Variants in PARVB observed in about 807,000 individuals in gnomAD.
PARVB encodes parvin beta, also known as beta-parvin.
In PARVB, 46 loss-of-function variants were observed where a neutral mutation model predicts 47.0. That is an observed-to-expected ratio of 0.98 (90% CI 0.77 to 1.25). The LOEUF is 1.25. Ranked by LOEUF, PARVB falls within the 50% of genes most tolerant of loss-of-function variation. The probability of loss-of-function intolerance (pLI) is 0.00; values close to 1 mark genes in which losing one functional copy is unlikely to be tolerated. For synonymous variants in PARVB, 196 were observed against 196.3 expected, an observed-to-expected ratio of 1.00 and a Z score of 0.01; for missense variants, 473 against 471.6, an observed-to-expected ratio of 1.00 and a Z score of -0.03.
chr22:44,014,457 A>G (rs1286878213), intron 2 of PARVB, among the ~76,000 whole-genome samples: 1 of 152,202 alleles, frequency 6.6e-6, no homozygotes, highest in Non-Finnish European at 1.5e-5. Context: ...TGTACAATGT[A>G]TGCATAGCCC....
At chr22:44,027,796 G>A (rs2050755428) in intron 1 of PARVB, among the ~76,000 whole-genome samples, 1 of 151,836 alleles carries the variant, frequency 6.6e-6, no homozygotes, top group Non-Finnish European at 1.5e-5. Context: ...TACTTGGGAA[G>A]CTGAGGCAGG....
At chr22:44,106,678 T>C (rs1412910581) in intron 3 of PARVB, 1 of 152,126 alleles carries the variant, frequency 6.6e-6, no homozygotes, top group Non-Finnish European at 1.5e-5. Flanking sequence ...CTGTTCTCTG[T>C]CATCTGCACT....
intron 2 of PARVB, among the ~76,000 whole-genome samples, chr22:44,006,354 C>G (rs138530987): frequency 6.6e-6 from 1 of 152,198 alleles, no homozygotes; most frequent in African/African-American, 2.4e-5. Flanking sequence ...GGCCAGATGC[C>G]GTGTCTCATG....
At chr22:44,073,200 C>G (rs977541477) in intron 1 of PARVB, among the ~76,000 whole-genome samples, 1 of 152,124 alleles carries the variant, frequency 6.6e-6, no homozygotes, top group African/African-American at 2.4e-5. Flanking sequence ...AATTTAAAGT[C>G]AGAAGTGGGC....
Position 44,043,496 on chromosome 22 carries a change from G to A in PARVB, c.112+19045G>A, listed in dbSNP as rs1234794064. ...CGGGATCACGCCATTCTCCTCCTTG[G>A]CCACCCGAGTAGCTGGGACTACAGG... On this transcript the variant is annotated intron_variant, in intron 1 of 12. Transcript: ENST00000338758. Among the ~76,000 whole-genome samples the A allele has an allele frequency of 5.9e-5, 9 of 152,052 alleles. 1 individual carries two copies. The highest frequency in any genetic ancestry group is 6.8e-3 in the Middle Eastern group (2 of 294).
exon 1 of PARVB, chr22:43,999,262 A>T (rs1482557086): frequency 1.7e-5 from 20 of 1,176,982 alleles, no homozygotes; most frequent in Non-Finnish European, 2.4e-5. Context: ...TCCTTAAACT[A>T]AGAACTCATT....
At chr22:44,157,472 CT>C (rs1333233227) in intron 10 of PARVB, among the ~76,000 whole-genome samples, 1 of 152,220 alleles carries the variant, frequency 6.6e-6, no homozygotes. Flanking sequence ...GCCCCCTCCC[CT>C]TTTGCTTTTT....
upstream of PARVB, chr22:44,024,244 CG>C: frequency 1.4e-5 from 7 of 511,766 alleles, no homozygotes; most frequent in Non-Finnish European, 1.8e-5. Flanking sequence ...GGGACCGGGG[CG>C]GGGGCCGGCG....
At chr22:44,094,539 G>T (rs2052252582) in intron 2 of PARVB, among the ~76,000 whole-genome samples, 1 of 151,940 alleles carries the variant, frequency 6.6e-6, no homozygotes, top group Admixed American at 6.6e-5. Flanking sequence ...ACCCAAGCTG[G>T]GGTGCGGTGA....
chr22:44,153,937 G>A (rs540769120), intron 10 of PARVB, among the ~76,000 whole-genome samples: 45 of 152,182 alleles, frequency 3.0e-4, no homozygotes, highest in African/African-American at 6.0e-4. Context: ...GTCTGTGCTC[G>A]TGCCTGCTTC....
At chr22:44,133,095 C>CT (rs751045113) in intron 6 of PARVB, 86 bp downstream of exon 6, 3 of 803,664 alleles carry the variant, frequency 3.7e-6, no homozygotes, top group Non-Finnish European at 6.0e-6. Flanking sequence ...CCTCCCCCTC[C>CT]TTTTTTCCCC....
chr22:44,158,185 C>A, intron 11 of PARVB, 102 bp downstream of exon 11: 3 of 736,726 alleles, frequency 4.1e-6, no homozygotes, highest in Admixed American at 2.6e-5. Context: ...TGGCTGCATT[C>A]TTCAGAAAGT....
In PARVB at chr22:44,172,569, C is replaced by T. The variant is rs924700859; in HGVS notation, c.*3891C>T. On this transcript the variant is annotated 3_prime_UTR_variant, in exon 13 of 13. Transcript: ENST00000338758. ...GCAGCTTCAGTTCCCCTTTGACGCC[C>T]ACACAGTGTTATGCAAGCACCGAGC... is the stretch of plus-strand genomic sequence containing the variant. The T allele has an allele frequency of 5.7e-6, 1 of 174,304 alleles. No homozygotes were observed. Among genetic ancestry groups the T allele is most frequent in the African/African-American group, 2.4e-5 (1 of 41,510 alleles). 10.8% of individuals were successfully genotyped at this position (174,304 alleles called of 1,614,324 possible).
At chr22:44,099,320 G>C (rs917372239) in intron 2 of PARVB, among the ~76,000 whole-genome samples, 2 of 152,148 alleles carry the variant, frequency 1.3e-5, no homozygotes, top group African/African-American at 4.8e-5. Flanking sequence ...GGGCATTTCT[G>C]CTGTGGAGCA....
Position 44,001,254 on chromosome 22 carries a change from AAATC to A in PARVB, c.211+1597_211+1600del, listed in dbSNP as rs995651722. 6.6e-5 allele frequency among the ~76,000 whole-genome samples: 10 copies of A among 152,324 alleles called. No homozygotes were observed. In the East Asian group the frequency reaches 7.7e-4, roughly 12 times the overall value. On this transcript the variant is annotated intron_variant, in intron 2 of 13. Transcript: ENST00000406477. Reference sequence around the variant, plus strand: ...GACAGAGCGAGACTCCATCTCAGAAAAATCAATCAATCAATCAATAAAAGATCAC... The same window carrying A: ...GACAGAGCGAGACTCCATCTCAGAAAAATCAATCAATCAATAAAAGATCAC...
chr22:44,122,247 T>C (rs540292755), intron 4 of PARVB, among the ~76,000 whole-genome samples: 33 of 152,182 alleles, frequency 2.2e-4, no homozygotes, highest in Admixed American at 1.2e-3. Flanking sequence ...TCCCAGCACC[T>C]TGAGGGGCTG....
chr22:44,066,817 C>CT (rs2051543895), intron 1 of PARVB, among the ~76,000 whole-genome samples: 1 of 147,298 alleles, frequency 6.8e-6, no homozygotes, highest in African/African-American at 2.5e-5. Context: ...CCTCCTCCTC[C>CT]TCCTCTTCCT....
chr22:44,083,657 A>G (rs1005334174), intron 1 of PARVB, among the ~76,000 whole-genome samples: 1 of 152,108 alleles, frequency 6.6e-6, no homozygotes, highest in African/African-American at 2.4e-5. Flanking sequence ...GATATGACCT[A>G]CAGAAGTGGC....
At chr22:44,085,992 C>T (rs1755625347) in intron 1 of PARVB, among the ~76,000 whole-genome samples, 1 of 152,198 alleles carries the variant, frequency 6.6e-6, no homozygotes, top group African/African-American at 2.4e-5. Context: ...CAACTTATTT[C>T]ATCTTGAGAA....
Sources: gnomAD v4.1 joint callset for allele counts (sites outside exome capture counted in the v4.1 genomes callset) on GRCh38, gnomAD v4.1.1 for gene constraint, MANE v1.5 for transcripts, NCBI Gene and HGNC (gene_info 2026-07-23, HGNC 2026-07-21) for gene names.